KLF7: variants seen among roughly 807,000 people sequenced by gnomAD.
The protein encoded by KLF7 is KLF transcription factor 7.
In KLF7, 2 loss-of-function variants were observed where a neutral mutation model predicts 27.3. That is an observed-to-expected ratio of 0.07 (90% CI 0.03 to 0.23). KLF7 has a LOEUF of 0.23. Ranked by LOEUF, KLF7 falls within the 10% of genes least tolerant of loss-of-function variation. The pLI, the probability that KLF7 is intolerant of heterozygous loss-of-function variation, is 1.00. For synonymous variants in KLF7, 165 were observed against 162.4 expected (o/e 1.02, Z -0.12); for missense variants, 221 against 394.1 (o/e 0.56, Z 3.72).
chr2:207,108,244 G>T (rs368867875), intron 2 of KLF7, among the ~76,000 whole-genome samples: 2 of 152,188 alleles, frequency 1.3e-5, no homozygotes, highest in East Asian at 3.8e-4. Flanking sequence ...TGAGAGGGGG[G>T]AGAAAGATAC....
At chr2:207,149,988 T>G (rs1275421088) in intron 1 of KLF7, among the ~76,000 whole-genome samples, 3 of 152,186 alleles carry the variant, frequency 2.0e-5, no homozygotes, top group Non-Finnish European at 4.4e-5. Context: ...GTATTGTTAA[T>G]GAGTCACTGT....
chr2:207,099,969 A>G (rs2076725321), intron 2 of KLF7, among the ~76,000 whole-genome samples: 1 of 152,082 alleles, frequency 6.6e-6, no homozygotes, highest in Admixed American at 6.5e-5. Context: ...GTCTCTACAA[A>G]AAATTAAAAA....
intron 3 of KLF7, among the ~76,000 whole-genome samples, chr2:207,084,035 A>T (rs988312219): frequency 6.6e-6 from 1 of 152,204 alleles, no homozygotes; most frequent in Non-Finnish European, 1.5e-5. Flanking sequence ...AACCTACAGA[A>T]CTGTAAGACC....
intron 2 of KLF7, among the ~76,000 whole-genome samples, chr2:207,090,108 G>T (rs991141370): frequency 6.6e-6 from 1 of 152,092 alleles, no homozygotes; most frequent in Admixed American, 6.6e-5. Context: ...GTGCCCTAGT[G>T]AGCCACTGCT....
intron 1 of KLF7, among the ~76,000 whole-genome samples, chr2:207,164,182 C>A (rs1559174448): frequency 1.3e-5 from 2 of 152,248 alleles, no homozygotes; most frequent in Non-Finnish European, 2.9e-5. Flanking sequence ...AAAGCAGAGA[C>A]TGTTACATCT....
In KLF7 at chr2:207,081,054, T is replaced by C. The variant is rs1218846805; in HGVS notation, c.*159A>G. 10 of 654,836 alleles carry C rather than the reference T, an allele frequency of 1.5e-5. No individual in the cohort carries two copies. The highest frequency in any genetic ancestry group is 2.7e-5 in the Non-Finnish European group (10 of 365,968). The allele number at this position is 654,836 out of a possible 1,614,324, so 40.6% of individuals were successfully genotyped here. ...GTGTATGTGTGTGGGTCTGTGAGTG[T>C]GTGTATATGTGTGTGTGTGTGTGTG... On this transcript the variant is annotated 3_prime_UTR_variant, in exon 4 of 4. Coordinates refer to ENST00000309446, the MANE Select transcript of KLF7 (RefSeq NM_003709.4).
intron 2 of KLF7, among the ~76,000 whole-genome samples, chr2:207,091,626 A>G (rs2076515221): frequency 6.6e-6 from 1 of 152,244 alleles, no homozygotes; most frequent in African/African-American, 2.4e-5. Flanking sequence ...GCAGTGCCTG[A>G]AGGCAGAACT....
chr2:207,167,059 G>C, upstream of KLF7: 6 of 1,254,186 alleles, frequency 4.8e-6, no homozygotes, highest in Non-Finnish European at 6.2e-6. Flanking sequence ...GCGTTAAAGA[G>C]GCTAGAGGGA....
At chr2:207,081,971 G>T (rs1165979907) in intron 3 of KLF7, among the ~76,000 whole-genome samples, 2 of 151,920 alleles carry the variant, frequency 1.3e-5, no homozygotes, top group Non-Finnish European at 2.9e-5. Flanking sequence ...ACCCTCCATG[G>T]TAAGTATTCT....
chr2:207,104,830 C>T (rs1012326433), intron 2 of KLF7, among the ~76,000 whole-genome samples: 2 of 152,160 alleles, frequency 1.3e-5, no homozygotes, highest in South Asian at 4.1e-4. Flanking sequence ...TCTGATAAAA[C>T]AAATGTTTCA....
At chr2:207,161,280 T>C (rs538735300) in intron 1 of KLF7, among the ~76,000 whole-genome samples, 104 of 152,340 alleles carry the variant, frequency 6.8e-4, no homozygotes, top group Non-Finnish European at 1.4e-3. Flanking sequence ...ATATTTTTAT[T>C]TCATCTACCA....
At chr2:207,150,446 T>C (rs1356390219) in intron 1 of KLF7, among the ~76,000 whole-genome samples, 1 of 151,846 alleles carries the variant, frequency 6.6e-6, no homozygotes, top group Non-Finnish European at 1.5e-5. Context: ...ATAGAAATCA[T>C]AAAGAGGAAG....
intron 2 of KLF7, among the ~76,000 whole-genome samples, chr2:207,108,293 A>G (rs2076934435): frequency 6.6e-6 from 1 of 152,252 alleles, no homozygotes; most frequent in Admixed American, 6.5e-5. Context: ...CTTAGTAGCC[A>G]ATTATCAGCA....
chr2:207,106,374 A>C (rs980792033), intron 2 of KLF7, among the ~76,000 whole-genome samples: 3 of 152,258 alleles, frequency 2.0e-5, no homozygotes, highest in Admixed American at 6.5e-5. Context: ...CCTGAAACAC[A>C]AATGACTCTG....
chr2:207,088,706 A>G, intron 2 of KLF7, 125 bp from the exon 3 acceptor site: 1 of 1,001,636 alleles, frequency 1.0e-6, no homozygotes, highest in African/African-American at 1.6e-5. Flanking sequence ...GAAAGACTAG[A>G]TTTCCTAACA....
At chr2:207,153,382 G>A (rs992133384) in intron 1 of KLF7, among the ~76,000 whole-genome samples, 1 of 152,182 alleles carries the variant, frequency 6.6e-6, no homozygotes, top group Non-Finnish European at 1.5e-5. Flanking sequence ...GAAAGGTTCA[G>A]AGTCAGACAT....
chr2:207,125,851 TC>T (rs2077462933), intron 1 of KLF7, among the ~76,000 whole-genome samples: 1 of 152,160 alleles, frequency 6.6e-6, no homozygotes, highest in African/African-American at 2.4e-5. Context: ...TAGCAGTAGG[TC>T]CACATGATGC....
At chr2:207,167,234 A>C, upstream of KLF7, 1 of 1,093,154 alleles carries the variant, frequency 9.1e-7, no homozygotes. Flanking sequence ...ACATAGAGAG[A>C]TCTGTTACAT....
chr2:207,144,028 G>T (rs1312927260), intron 1 of KLF7, among the ~76,000 whole-genome samples: 3 of 152,020 alleles, frequency 2.0e-5, no homozygotes, highest in Non-Finnish European at 2.9e-5. Context: ...GGGCAGGCTG[G>T]CTCCAGGGGA....
Sources: allele counts gnomAD v4.1 joint callset (sites outside exome capture counted in the v4.1 genomes callset), GRCh38; gene constraint gnomAD v4.1.1; transcripts MANE v1.5; gene names NCBI Gene and HGNC (gene_info 2026-07-23, HGNC 2026-07-21).